Variants in MARCHF11 observed in about 807,000 individuals in gnomAD.
MARCHF11 encodes the protein membrane associated ring-CH-type finger 11, also known as E3 ubiquitin-protein ligase MARCHF11.
Under a neutral mutation model 37.3 loss-of-function variants are expected in MARCHF11, and 29 were observed. That is an observed-to-expected ratio of 0.78 (90% CI 0.58 to 1.06). The LOEUF (loss-of-function observed/expected upper bound fraction) is 1.06, where lower values mean the gene tolerates loss of function less well. Ranked by LOEUF, MARCHF11 falls within the 50% of genes least tolerant of loss-of-function variation. MARCHF11 has a pLI of 0.00. For missense variants in MARCHF11, 482 were observed against 533.4 expected, an observed-to-expected ratio of 0.90 and a Z score of 0.95; for synonymous variants, 233 against 228.0, an observed-to-expected ratio of 1.02 and a Z score of -0.20.
intron 2 of MARCHF11, among the ~76,000 whole-genome samples, chr5:16,131,876 G>A (rs964653061): frequency 2.0e-5 from 3 of 152,236 alleles, no homozygotes; most frequent in Non-Finnish European, 4.4e-5. Context: ...TTAAGTAGTG[G>A]TGATGTGGCA....
At chr5:16,093,137 G>C (rs115541644) in intron 2 of MARCHF11, among the ~76,000 whole-genome samples, 2,547 of 152,198 alleles carry the variant, frequency 0.017, 77 homozygotes, top group African/African-American at 0.058. Context: ...AGTCCATGAA[G>C]CGTGTTTGTG....
intron 2 of MARCHF11, among the ~76,000 whole-genome samples, chr5:16,137,606 G>C (rs1737629151): frequency 6.6e-6 from 1 of 152,190 alleles, no homozygotes. Flanking sequence ...TTGGAACTGG[G>C]TAACAGGCAG....
At chr5:16,126,523 T>C (rs1737411147) in intron 2 of MARCHF11, among the ~76,000 whole-genome samples, 1 of 152,254 alleles carries the variant, frequency 6.6e-6, no homozygotes, top group African/African-American at 2.4e-5. Context: ...TTCTCATTGT[T>C]ATAACAGCTA....
At chr5:16,157,596 CT>C (rs1737998659) in intron 2 of MARCHF11, among the ~76,000 whole-genome samples, 1 of 151,884 alleles carries the variant, frequency 6.6e-6, no homozygotes. Context: ...AAAGGACGGT[CT>C]CTTCAATAAA....
chr5:16,160,998 A>G lies in MARCHF11; in HGVS notation c.693+16728T>C, dbSNP rs535443058. 2.0e-5 allele frequency among the ~76,000 whole-genome samples: 3 copies of G among 152,038 alleles called. No homozygotes were observed. The South Asian group carries it at 6.2e-4, about 32-fold the overall frequency. ...CAACACTTAGGATGCTTGCTCCTGT[A>G]AACCCTCAGAACACCCTGGTTTATT... is the stretch of plus-strand genomic sequence containing the variant. On this transcript the variant is annotated intron_variant, in intron 2 of 3. Transcript: ENST00000332432.
chr5:16,179,565 T>C lies in MARCHF11; in HGVS notation c.11A>G (p.Glu4Gly). 1 of 1,174,602 alleles carries C rather than the reference T, an allele frequency of 8.5e-7. No homozygotes were observed. The highest frequency in any genetic ancestry group is 4.2e-5 in the South Asian group (1 of 23,708). 72.8% of individuals were successfully genotyped at this position (1,174,602 alleles called of 1,614,324 possible). ...ACACCGACTGCCGCCGTGGCCGCCC[T>C]CAAAGCTCATGGTTGTGCCGCCGCC... MSFEGGHGGSRCRG... is the reference protein window; with the variant it reads MSFGGGHGGSRCRG... Residue 4 changes from glutamate to glycine, a missense_variant, in exon 1 of 4, where the codon GAG (glutamate) becomes GGG (glycine). Coordinates refer to ENST00000332432, the MANE Select transcript of MARCHF11 (RefSeq NM_001102562.3).
intron 2 of MARCHF11, among the ~76,000 whole-genome samples, chr5:16,163,966 T>A (rs769633845): frequency 1.4e-4 from 22 of 152,034 alleles, no homozygotes; most frequent in Non-Finnish European, 2.4e-4. Context: ...GGACACAGTG[T>A]CTGTCCCCTC....
chr5:16,172,567 T>C (rs1315843608), intron 2 of MARCHF11, among the ~76,000 whole-genome samples: 3 of 152,222 alleles, frequency 2.0e-5, no homozygotes, highest in Non-Finnish European at 4.4e-5. Flanking sequence ...TTTTAAGCCA[T>C]GAAATGCAAA....
intron 3 of MARCHF11, among the ~76,000 whole-genome samples, chr5:16,078,320 G>A (rs1736553647): frequency 6.6e-6 from 1 of 152,144 alleles, no homozygotes; most frequent in East Asian, 1.9e-4. Flanking sequence ...TGAAAATTAA[G>A]TGGGAAAATC....
intron 2 of MARCHF11, among the ~76,000 whole-genome samples, chr5:16,133,815 T>C (rs1737562021): frequency 1.3e-5 from 2 of 149,866 alleles, no homozygotes; most frequent in East Asian, 4.0e-4. Flanking sequence ...AAAAAAAAAA[T>C]CTCATAAGGT....
intron 2 of MARCHF11, among the ~76,000 whole-genome samples, chr5:16,115,952 T>A (rs1737220640): frequency 1.3e-5 from 2 of 152,134 alleles, no homozygotes; most frequent in Non-Finnish European, 2.9e-5. Flanking sequence ...TAAATTCATA[T>A]CTTTCTCTAG....
At chr5:16,137,324 C>T (rs1302373696) in intron 2 of MARCHF11, among the ~76,000 whole-genome samples, 2 of 152,182 alleles carry the variant, frequency 1.3e-5, no homozygotes, top group Non-Finnish European at 2.9e-5. Flanking sequence ...GAATAAGTCT[C>T]ATGACATCTG....
intron 3 of MARCHF11, among the ~76,000 whole-genome samples, chr5:16,070,427 G>A (rs1056101328): frequency 1.5e-4 from 23 of 152,300 alleles, no homozygotes; most frequent in Middle Eastern, 6.8e-3. Flanking sequence ...TCTATGTGGT[G>A]GGGAACACAC....
At chr5:16,175,232 T>C (rs1738335556) in intron 2 of MARCHF11, among the ~76,000 whole-genome samples, 1 of 152,242 alleles carries the variant, frequency 6.6e-6, no homozygotes. Context: ...CCATTGACTC[T>C]TAACAGATCA....
intron 2 of MARCHF11, among the ~76,000 whole-genome samples, chr5:16,154,791 A>G (rs896806581): frequency 6.6e-6 from 1 of 151,958 alleles, no homozygotes; most frequent in Non-Finnish European, 1.5e-5. Flanking sequence ...AAATAACAAC[A>G]TATCATTTTT....
intron 2 of MARCHF11, among the ~76,000 whole-genome samples, chr5:16,148,370 G>A (rs1307914173): frequency 6.6e-6 from 1 of 152,042 alleles, no homozygotes; most frequent in Admixed American, 6.6e-5. Context: ...GGCTACATGG[G>A]ATTTTCCTCG....
At chr5:16,168,859 T>TA (rs906610433) in intron 2 of MARCHF11, among the ~76,000 whole-genome samples, 1 of 151,828 alleles carries the variant, frequency 6.6e-6, no homozygotes, top group African/African-American at 2.4e-5. Flanking sequence ...TTCCTCTATT[T>TA]AAAAAAAATA....
At chr5:16,140,412 G>A (rs1737683100) in intron 2 of MARCHF11, among the ~76,000 whole-genome samples, 1 of 152,132 alleles carries the variant, frequency 6.6e-6, no homozygotes, top group Non-Finnish European at 1.5e-5. Flanking sequence ...AAACCTGAAT[G>A]ATGGGTCATT....
At chr5:16,141,913 C>T (rs1737714223) in intron 2 of MARCHF11, among the ~76,000 whole-genome samples, 2 of 152,196 alleles carry the variant, frequency 1.3e-5, no homozygotes, top group South Asian at 4.1e-4. Context: ...CTTTAACCAT[C>T]AAGATATTGC....
Sources: gnomAD v4.1 joint callset for allele counts (sites outside exome capture counted in the v4.1 genomes callset) on GRCh38, gnomAD v4.1.1 for gene constraint, MANE v1.5 for transcripts, NCBI Gene and HGNC (gene_info 2026-07-23, HGNC 2026-07-21) for gene names.